The following INSL6 variants were observed in gnomAD, a reference collection of about 807,000 sequenced individuals.
INSL6 encodes insulin-like peptide INSL6.
Under a neutral mutation model 9.4 loss-of-function variants are expected in INSL6, and 16 were observed. The ratio of observed to expected loss-of-function variants is 1.70; its 90% confidence interval spans 1.15 to 2.59. The LOEUF is 2.59. Among genes scored for constraint, INSL6 ranks in the 30% most tolerant of loss-of-function variants. The pLI, the probability that INSL6 is intolerant of heterozygous loss-of-function variation, is 0.00. For synonymous variants in INSL6, 154 were observed against 96.9 expected, an observed-to-expected ratio of 1.59 and a Z score of -3.46; for missense variants, 391 against 257.3, an observed-to-expected ratio of 1.52 and a Z score of -3.56.
the INSL6 span, chr9:5,085,999 G>T: frequency 1.1e-6 from 1 of 877,178 alleles, no homozygotes; most frequent in South Asian, 1.3e-5. Flanking sequence ...GTTGTGTGAT[G>T]AAACTGTGAT....
At chr9:5,153,433 A>G (rs1025251125) in intron 2 of INSL6, among the ~76,000 whole-genome samples, 2 of 152,228 alleles carry the variant, frequency 1.3e-5, no homozygotes, top group Non-Finnish European at 2.9e-5. Context: ...GGGAAGTTTG[A>G]ACAGGGTGGA....
the INSL6 span, among the ~76,000 whole-genome samples, chr9:5,032,080 C>T: frequency 6.3e-3 from 956 of 152,350 alleles, 7 homozygotes; most frequent in Non-Finnish European, 7.3e-3. Context: ...GCTATTCTAA[C>T]GGTATTAGCA....
At chr9:5,093,609 A>T in the INSL6 span, among the ~76,000 whole-genome samples, 3 of 152,190 alleles carry the variant, frequency 2.0e-5, no homozygotes, top group African/African-American at 7.2e-5. Flanking sequence ...TGCATTAAAA[A>T]TTTTGGTTGG....
chr9:4,993,528 A>G, the INSL6 span, among the ~76,000 whole-genome samples: 3 of 152,202 alleles, frequency 2.0e-5, no homozygotes, highest in Non-Finnish European at 4.4e-5. Flanking sequence ...TAGGTCAGGT[A>G]TGTATTTTAT....
the INSL6 span, among the ~76,000 whole-genome samples, chr9:5,087,474 A>ACTGGTAGTTCCTTTACT: frequency 6.6e-6 from 1 of 151,540 alleles, no homozygotes; most frequent in Non-Finnish European, 1.5e-5. Context: ...AAACCATATC[A>ACTGGTAGTTCCTTTACT]CTCCCTTACT....
intron 2 of INSL6, among the ~76,000 whole-genome samples, chr9:5,156,370 A>G (rs1257001157): frequency 6.6e-6 from 1 of 152,180 alleles, no homozygotes; most frequent in African/African-American, 2.4e-5. Context: ...AGAACCAGAT[A>G]AAGACATAAA....
intron 1 of INSL6, among the ~76,000 whole-genome samples, chr9:5,170,311 A>C (rs141675262): frequency 2.0e-5 from 3 of 152,334 alleles, no homozygotes; most frequent in African/African-American, 7.2e-5. Flanking sequence ...CAATGAGAAC[A>C]AAGAAACAAC....
chr9:5,151,661 T>C (rs1480883490), intron 2 of INSL6, among the ~76,000 whole-genome samples: 1 of 151,712 alleles, frequency 6.6e-6, no homozygotes, highest in Non-Finnish European at 1.5e-5. Context: ...TAAAGATAAA[T>C]AAATAACCAA....
chr9:5,051,650 A>G, the INSL6 span, among the ~76,000 whole-genome samples: 1 of 152,176 alleles, frequency 6.6e-6, no homozygotes, highest in Non-Finnish European at 1.5e-5. Flanking sequence ...ATATATAAGA[A>G]TGGTTTAAGT....
At chr9:5,120,131 T>C (rs1346161532), downstream of INSL6, among the ~76,000 whole-genome samples, 1 of 152,220 alleles carries the variant, frequency 6.6e-6, no homozygotes, top group African/African-American at 2.4e-5. Context: ...TGCTCTCTTC[T>C]TTCCAAGATG....
the INSL6 span, among the ~76,000 whole-genome samples, chr9:5,020,716 A>T: frequency 6.6e-6 from 1 of 152,134 alleles, no homozygotes. Context: ...GGCACATACC[A>T]ATATATGGCA....
intron 2 of INSL6, among the ~76,000 whole-genome samples, chr9:5,155,053 T>C (rs1824788961): frequency 6.6e-6 from 1 of 151,574 alleles, no homozygotes; most frequent in Admixed American, 6.6e-5. Context: ...CTATTCACAA[T>C]AGCAAAGACT....
At chr9:5,064,334 A>G in the INSL6 span, among the ~76,000 whole-genome samples, 1 of 152,168 alleles carries the variant, frequency 6.6e-6, no homozygotes, top group South Asian at 2.1e-4. Context: ...GTTGGAGACC[A>G]GCCTGGCCAA....
the INSL6 span, chr9:5,085,419 G>A: frequency 2.6e-6 from 2 of 755,128 alleles, no homozygotes; most frequent in Admixed American, 3.5e-5. Flanking sequence ...CTTTACAACT[G>A]TTGGCTATCA....
the INSL6 span, chr9:5,109,984 A>T: frequency 6.6e-6 from 1 of 152,220 alleles, no homozygotes; most frequent in Non-Finnish European, 1.5e-5. Context: ...GCAGTCCTGC[A>T]CAATCGCATC....
chr9:5,084,535 TA>T, the INSL6 span, among the ~76,000 whole-genome samples: 52 of 152,270 alleles, frequency 3.4e-4, no homozygotes, highest in Admixed American at 2.9e-3. Context: ...AATAATGGTA[TA>T]TTTTTTTATT....
At chr9:5,066,127 C>G in the INSL6 span, among the ~76,000 whole-genome samples, 1 of 151,992 alleles carries the variant, frequency 6.6e-6, no homozygotes, top group East Asian at 1.9e-4. Flanking sequence ...ATGATTCTTT[C>G]TTTTGTATAG....
rs1050025621 is a variant in INSL6 at position 5,124,807 on chromosome 9, G to GT, written c.*11-297dup. On this transcript the variant is annotated intron_variant, in intron 3 of 3. Coordinates refer to the INSL6 transcript ENST00000649639. ...AAAATCAACAAGAACATACATTCAA[G>GT]TTTTTTTTTAACATGAGAAAGGATT... Among the ~76,000 whole-genome samples, 35 of 150,928 alleles carry GT rather than the reference G, an allele frequency of 2.3e-4. No homozygotes were observed. The East Asian group carries it at 2.5e-3, about 11-fold the overall frequency.
At chr9:5,027,457 A>C in the INSL6 span, among the ~76,000 whole-genome samples, 2 of 152,310 alleles carry the variant, frequency 1.3e-5, no homozygotes, top group Middle Eastern at 3.4e-3. Context: ...TTGTTAGTGG[A>C]GAGTCTTGCC....
Sources: gnomAD v4.1 joint callset for allele counts (sites outside exome capture counted in the v4.1 genomes callset) on GRCh38, gnomAD v4.1.1 for gene constraint, MANE v1.5 for transcripts, NCBI Gene and HGNC (gene_info 2026-07-23, HGNC 2026-07-21) for gene names.